RIMBP2: variants seen among roughly 807,000 people sequenced by gnomAD.
RIMBP2 encodes RIMS-binding protein 2.
In RIMBP2, 48 loss-of-function variants were observed where a neutral mutation model predicts 118.6. That is an observed-to-expected ratio of 0.40 (90% CI 0.32 to 0.51). The LOEUF (loss-of-function observed/expected upper bound fraction) is 0.51. RIMBP2 is among the 20% of genes least tolerant of loss of function. The pLI, the probability that RIMBP2 is intolerant of heterozygous loss-of-function variation, is 0.41. For missense variants in RIMBP2, 1,551 were observed against 1,768.3 expected (o/e 0.88, Z 2.20); for synonymous variants, 762 against 742.9 (o/e 1.03, Z -0.42).
chr12:130,655,953 G>A (rs1337593279), intron 1 of RIMBP2, among the ~76,000 whole-genome samples: 1 of 152,240 alleles, frequency 6.6e-6, no homozygotes, highest in Non-Finnish European at 1.5e-5. Context: ...GGAGGATGCT[G>A]GTGGGAGCGC....
intron 4 of RIMBP2, among the ~76,000 whole-genome samples, chr12:130,501,817 C>T (rs1439319809): frequency 1.3e-5 from 2 of 152,216 alleles, no homozygotes; most frequent in East Asian, 3.8e-4. Context: ...GAATTCTTCC[C>T]TGGGCAAAGC....
At chr12:130,712,430 CTA>C (rs1949986531) in intron 1 of RIMBP2, among the ~76,000 whole-genome samples, 1 of 152,106 alleles carries the variant, frequency 6.6e-6, no homozygotes, top group Non-Finnish European at 1.5e-5. Flanking sequence ...CTGTTAAAAG[CTA>C]AGACATAAAC....
At chr12:130,595,534 C>T (rs951048218) in intron 2 of RIMBP2, among the ~76,000 whole-genome samples, 3 of 151,624 alleles carry the variant, frequency 2.0e-5, no homozygotes, top group Admixed American at 1.3e-4. Context: ...TGGGCGACAG[C>T]GCAAGACTCC....
At chr12:130,655,693 G>A (rs779372962) in intron 1 of RIMBP2, among the ~76,000 whole-genome samples, 36 of 152,222 alleles carry the variant, frequency 2.4e-4, no homozygotes, top group Non-Finnish European at 4.7e-4. Context: ...GCACACACAT[G>A]TATATACAGG....
intron 2 of RIMBP2, among the ~76,000 whole-genome samples, chr12:130,547,618 C>T (rs1442739021): frequency 1.3e-5 from 2 of 152,216 alleles, no homozygotes; most frequent in Non-Finnish European, 2.9e-5. Context: ...TCGATCCCTG[C>T]TGCAAAAGGA....
intron 3 of RIMBP2, among the ~76,000 whole-genome samples, chr12:130,510,657 C>A (rs1444585700): frequency 6.6e-6 from 1 of 152,038 alleles, no homozygotes; most frequent in Non-Finnish European, 1.5e-5. Context: ...TAAGGAGAGA[C>A]AAGGTTTTGT....
Position 130,399,695 on chromosome 12 carries a change from C to G in RIMBP2, c.3884G>C (p.Arg1295Pro), listed in dbSNP as rs763559163. 6.2e-7 allele frequency: 1 copy of G among 1,613,274 alleles called. No homozygotes were observed. The highest frequency in any genetic ancestry group is 8.5e-7 in the Non-Finnish European group (1 of 1,179,776). Reference sequence around the variant, plus strand: ...TTTGCTTACCCTTTTTGCCTTTGAGCGCATTGGCGTATCTTGAGAGTAGTG... The same window carrying G: ...TTTGCTTACCCTTTTTGCCTTTGAGGGCATTGGCGTATCTTGAGAGTAGTG... The part of the protein sequence containing the change: ...PSHYSQDTPM[R>P]SKAKRVPPEG... The change falls in exon 22 of 23, where the codon CGC (arginine) becomes CCC (proline). Residue 1295 changes from arginine to proline, a missense_variant. Arg to Pro is a moderately radical substitution (Grantham distance 103, BLOSUM62 -2). Transcript: ENST00000690449.
chr12:130,438,568 TG>T, intron 11 of RIMBP2, 52 bp from the exon 12 acceptor site: 1 of 1,475,382 alleles, frequency 6.8e-7, no homozygotes, highest in Non-Finnish European at 9.0e-7. Context: ...CCCTGGCAGG[TG>T]AGCCGTGACT....
chr12:130,615,272 C>CATAAATATATATATATATAT (rs1555309104), intron 2 of RIMBP2, among the ~76,000 whole-genome samples: 1 of 38,804 alleles, frequency 2.6e-5, no homozygotes, highest in Non-Finnish European at 4.6e-5. Flanking sequence ...ACATAATACA[C>CATAAATATATATATATATAT]ATACATATAT....
intron 1 of RIMBP2, among the ~76,000 whole-genome samples, 185 bp from the exon 2 acceptor site, chr12:130,628,641 C>T (rs1238964388): frequency 6.6e-6 from 1 of 152,252 alleles, no homozygotes; most frequent in East Asian, 1.9e-4. Context: ...CATGGTCCTC[C>T]CAGCCTGAGA....
At chr12:130,681,433 AT>A (rs924473945) in intron 1 of RIMBP2, among the ~76,000 whole-genome samples, 2 of 152,138 alleles carry the variant, frequency 1.3e-5, no homozygotes, top group African/African-American at 4.8e-5. Flanking sequence ...TAGTTCCAGA[AT>A]TTTTTATCAC....
chr12:130,460,438 G>C lies in RIMBP2; in HGVS notation c.154-3738C>G, dbSNP rs535648877. ...TAGTAGAAGTCTTGCTTTGGTATTA[G>C]AGCATTAACAGCAGTGGTAGCAATA... On this transcript the variant is annotated intron_variant, in intron 6 of 22. Coordinates refer to ENST00000690449, the MANE Select transcript of RIMBP2 (RefSeq NM_001393629.1). 3.9e-5 allele frequency among the ~76,000 whole-genome samples: 6 copies of C among 152,294 alleles called. No homozygotes were observed. In the South Asian group the frequency reaches 1.2e-3, roughly 32 times the overall value.
chr12:130,549,927 C>T (rs1044545571), intron 2 of RIMBP2, among the ~76,000 whole-genome samples: 7 of 152,110 alleles, frequency 4.6e-5, no homozygotes, highest in African/African-American at 7.2e-5. Flanking sequence ...TTTGAGGAGT[C>T]GCCATACTGC....
At chr12:130,494,083 T>C (rs2048900865) in intron 4 of RIMBP2, among the ~76,000 whole-genome samples, 1 of 152,128 alleles carries the variant, frequency 6.6e-6, no homozygotes, top group Non-Finnish European at 1.5e-5. Context: ...GATGCATGGG[T>C]AAACTGAGGC....
chr12:130,469,462 C>T lies in RIMBP2; in HGVS notation c.153+1231G>A, dbSNP rs769029261. On this transcript the variant is annotated intron_variant, in intron 6 of 22. Transcript: ENST00000690449. This position sits in a 1 kb window ranked among gnomAD's most constrained non-coding sequence, Gnocchi z 4.8. ...CCAGGAGACGATGCAAATTAAAGTG[C>T]GGTGGATAACTCAGGCCAGGGAAAG... Among the ~76,000 whole-genome samples the T allele has an allele frequency of 1.3e-5, 2 of 152,014 alleles. No individual in the cohort carries two copies. The highest frequency in any genetic ancestry group is 4.8e-5 in the African/African-American group (2 of 41,376).
At chr12:130,439,442 T>G (rs370147379) in intron 11 of RIMBP2, among the ~76,000 whole-genome samples, 3 of 144,406 alleles carry the variant, frequency 2.1e-5, no homozygotes, top group African/African-American at 5.4e-5. Flanking sequence ...TGTGGGTGTG[T>G]GGGTGTGGGT....
chr12:130,613,555 G>A (rs934206495), intron 2 of RIMBP2, among the ~76,000 whole-genome samples: 4 of 152,140 alleles, frequency 2.6e-5, no homozygotes, highest in Admixed American at 6.5e-5. Context: ...AGTGGCTCAC[G>A]CCTGTTATCC....
chr12:130,444,358 A>G (rs917623012), intron 10 of RIMBP2, among the ~76,000 whole-genome samples: 1 of 152,026 alleles, frequency 6.6e-6, no homozygotes, highest in African/African-American at 2.4e-5. Context: ...CCAAGTAAAC[A>G]CCCAGGAAAA....
At chr12:130,476,692 A>G (rs961838498) in intron 5 of RIMBP2, among the ~76,000 whole-genome samples, 1 of 152,020 alleles carries the variant, frequency 6.6e-6, no homozygotes, top group Non-Finnish European at 1.5e-5. Context: ...ATCTAAAGTC[A>G]CGGCCCCGTC....
Sources: allele counts gnomAD v4.1 joint callset (sites outside exome capture counted in the v4.1 genomes callset), GRCh38; gene constraint gnomAD v4.1.1; non-coding constraint Gnocchi (gnomAD v3.1); transcripts MANE v1.5; gene names NCBI Gene and HGNC (gene_info 2026-07-23, HGNC 2026-07-21).